JARID2: variants seen among roughly 807,000 people sequenced by gnomAD.
JARID2 encodes the protein protein Jumonji.
In JARID2, 21 loss-of-function variants were observed where a neutral mutation model predicts 125.6. That is an observed-to-expected ratio of 0.17 (90% CI 0.12 to 0.24). The LOEUF (loss-of-function observed/expected upper bound fraction) is 0.24, where lower values mean the gene tolerates loss of function less well. JARID2 is among the 10% of genes least tolerant of loss of function. JARID2 has a pLI of 1.00. For missense variants in JARID2, 1,303 were observed against 1,639.6 expected, an observed-to-expected ratio of 0.79 and a Z score of 3.55; for synonymous variants, 736 against 661.6, an observed-to-expected ratio of 1.11 and a Z score of -1.73.
intron 4 of JARID2, among the ~76,000 whole-genome samples, chr6:15,465,410 C>A (rs1024009478): frequency 2.0e-5 from 3 of 152,198 alleles, no homozygotes; most frequent in African/African-American, 7.2e-5. Context: ...ATGATCACAC[C>A]ACTGCATTCC....
Position 15,297,574 on chromosome 6 carries a change from C to T in JARID2, c.45+50990C>T, listed in dbSNP as rs549023396. On this transcript the variant is annotated intron_variant, in intron 1 of 17. Coordinates refer to ENST00000341776, the MANE Select transcript of JARID2 (RefSeq NM_004973.4). The stretch of plus-strand genomic sequence containing the variant: ...CAGGCTAGTCTTGAACTCCTGGCCT[C>T]AAGCAGTCCTCCTGCCTCAGCCTCC... 2.9e-4 allele frequency among the ~76,000 whole-genome samples: 44 copies of T among 151,516 alleles called. No individual in the cohort carries two copies. In the South Asian group the frequency reaches 8.2e-3, roughly 28 times the overall value.
intron 1 of JARID2, among the ~76,000 whole-genome samples, chr6:15,292,032 T>C (rs557683928): frequency 6.6e-6 from 1 of 151,328 alleles, no homozygotes; most frequent in African/African-American, 2.4e-5. Context: ...GTGATTAGGC[T>C]TTTTTTTTGA....
At chr6:15,290,809 ATGAG>A (rs1174591014) in intron 1 of JARID2, among the ~76,000 whole-genome samples, 1 of 152,086 alleles carries the variant, frequency 6.6e-6, no homozygotes, top group African/African-American at 2.4e-5. Context: ...TTTAGTAGAG[ATGAG>A]GTTTCACCAT....
chr6:15,509,535 G>A (rs913323496), intron 12 of JARID2, among the ~76,000 whole-genome samples: 1 of 148,970 alleles, frequency 6.7e-6, no homozygotes, highest in African/African-American at 2.5e-5. Flanking sequence ...TGATGGGCCC[G>A]GGAAGCCCAG....
At chr6:15,286,412 C>T (rs1420235067) in intron 1 of JARID2, among the ~76,000 whole-genome samples, 6 of 151,666 alleles carry the variant, frequency 4.0e-5, no homozygotes, top group East Asian at 4.0e-4. Context: ...CCACCACACC[C>T]GGCTAATTTT....
rs1197831836 is a variant in JARID2 at position 15,246,146 on chromosome 6, C to G, written c.-394C>G. 6 of 410,502 alleles carry G rather than the reference C, an allele frequency of 1.5e-5. No homozygotes were observed. In the Admixed American group the frequency reaches 2.6e-4, roughly 18 times the overall value. 25.4% of individuals were successfully genotyped at this position (410,502 alleles called of 1,614,324 possible). On this transcript the variant is annotated 5_prime_UTR_variant, in exon 1 of 18. Coordinates refer to ENST00000341776, the MANE Select transcript of JARID2 (RefSeq NM_004973.4). Reference sequence around the variant, plus strand: ...CATTTTTTATTTATCTTTCCCTTTTCTTTTCCAAGATGTAACTACGGATCA... The same window carrying G: ...CATTTTTTATTTATCTTTCCCTTTTGTTTTCCAAGATGTAACTACGGATCA...
chr6:15,369,000 G>C (rs1259409298), intron 1 of JARID2, among the ~76,000 whole-genome samples: 3 of 151,970 alleles, frequency 2.0e-5, no homozygotes, highest in African/African-American at 7.3e-5. Context: ...CAGGTGGTCT[G>C]TCTTGGAGTT....
chr6:15,425,152 C>T (rs760002338), intron 3 of JARID2, among the ~76,000 whole-genome samples: 5 of 152,154 alleles, frequency 3.3e-5, no homozygotes, highest in Non-Finnish European at 7.3e-5. Context: ...TCATAATGTA[C>T]TGATGACAAA....
chr6:15,376,391 C>T (rs1486509762), intron 2 of JARID2, among the ~76,000 whole-genome samples: 1 of 152,078 alleles, frequency 6.6e-6, no homozygotes, highest in Non-Finnish European at 1.5e-5. Context: ...GTAAACAGAT[C>T]TCCTTGTTTC....
intron 14 of JARID2, 92 bp downstream of exon 14, chr6:15,512,482 G>C (rs983000501): frequency 1.6e-5 from 19 of 1,159,892 alleles, no homozygotes; most frequent in Non-Finnish European, 2.3e-5. Flanking sequence ...GCGTGTGCGT[G>C]TCTATTTGTC....
intron 1 of JARID2, among the ~76,000 whole-genome samples, chr6:15,288,941 C>T (rs1406952447): frequency 6.6e-6 from 1 of 152,200 alleles, no homozygotes; most frequent in African/African-American, 2.4e-5. Flanking sequence ...GTCAGCTTCT[C>T]TCGTTAGTGA....
intron 1 of JARID2, among the ~76,000 whole-genome samples, chr6:15,369,792 A>T (rs780148124): frequency 2.6e-5 from 4 of 152,228 alleles, no homozygotes; most frequent in Non-Finnish European, 5.9e-5. Context: ...ATTGGTCAAC[A>T]TTTAGCAAAT....
chr6:15,477,676 C>T (rs1001076387), intron 5 of JARID2, among the ~76,000 whole-genome samples: 15 of 152,006 alleles, frequency 9.9e-5, no homozygotes, highest in African/African-American at 3.6e-4. Context: ...TGGCTGCAAC[C>T]TTAGGATTTT....
At chr6:15,457,613 T>G (rs2127653527) in intron 4 of JARID2, among the ~76,000 whole-genome samples, 1 of 151,994 alleles carries the variant, frequency 6.6e-6, no homozygotes, top group Middle Eastern at 3.4e-3. Context: ...TTTTTTTTTT[T>G]TTTTTTCCCT....
At chr6:15,283,413 T>G (rs1482501947) in intron 1 of JARID2, among the ~76,000 whole-genome samples, 1 of 149,454 alleles carries the variant, frequency 6.7e-6, no homozygotes, top group Non-Finnish European at 1.5e-5. Flanking sequence ...TGATCGCGGC[T>G]TACTGCAAGC....
intron 1 of JARID2, chr6:15,369,358 C>T (rs769078624): frequency 2.4e-6 from 1 of 420,546 alleles, no homozygotes; most frequent in East Asian, 5.7e-5. Context: ...TGACCAATTG[C>T]TCTTTTTGAT....
At chr6:15,302,909 A>AT (rs1397206296) in intron 1 of JARID2, among the ~76,000 whole-genome samples, 1 of 151,676 alleles carries the variant, frequency 6.6e-6, no homozygotes, top group Non-Finnish European at 1.5e-5. Context: ...TAATTTTTGT[A>AT]TTTTTTAGTA....
intron 1 of JARID2, chr6:15,247,412 G>C (rs1009275461): frequency 3.1e-6 from 3 of 971,590 alleles, no homozygotes; most frequent in Admixed American, 6.5e-5. Flanking sequence ...TTTTTGTTTT[G>C]TGTGTGGTGG....
At chr6:15,355,656 G>C (rs1763573850) in intron 1 of JARID2, among the ~76,000 whole-genome samples, 1 of 151,660 alleles carries the variant, frequency 6.6e-6, no homozygotes, top group Non-Finnish European at 1.5e-5. Flanking sequence ...AGGTCACCCA[G>C]GCTGAAGTGC....
Sources: gnomAD v4.1 joint callset for allele counts (sites outside exome capture counted in the v4.1 genomes callset) on GRCh38, gnomAD v4.1.1 for gene constraint, MANE v1.5 for transcripts, NCBI Gene and HGNC (gene_info 2026-07-23, HGNC 2026-07-21) for gene names.